DNAI1: variants seen among roughly 807,000 people sequenced by gnomAD.
The protein encoded by DNAI1 is dynein axonemal intermediate chain 1.
In DNAI1, 67 loss-of-function variants were observed where a neutral mutation model predicts 92.0. The observed-to-expected ratio is 0.73, with a 90% confidence interval of 0.60 to 0.89. DNAI1 has a LOEUF of 0.89. DNAI1 is among the 40% of genes least tolerant of loss of function. DNAI1 has a pLI of 0.00. For missense variants in DNAI1, 839 were observed against 866.6 expected (o/e 0.97, Z 0.40); for synonymous variants, 323 against 319.6 (o/e 1.01, Z -0.11).
intron 15 of DNAI1, 56 bp from the exon 16 acceptor site, chr9:34,513,056 A>T: frequency 1.4e-6 from 2 of 1,384,692 alleles, no homozygotes; most frequent in Non-Finnish European, 2.1e-6. Flanking sequence ...TAGGGGAGGC[A>T]CTGGGAGCCT....
chr9:34,463,871 A>T (rs773491900), intron 1 of DNAI1, among the ~76,000 whole-genome samples: 1 of 152,144 alleles, frequency 6.6e-6, no homozygotes, highest in Non-Finnish European at 1.5e-5. Context: ...AGAGTCTTGG[A>T]TGATTCAGAG....
Position 34,491,484 on chromosome 9 carries a change from T to A in DNAI1, c.622-11T>A. On this transcript the variant is annotated splice_polypyrimidine_tract_variant and intron_variant, in intron 7 of 19. Transcript: ENST00000242317. Reference sequence around the variant, plus strand: ...GGCTTTTTGTGGGTCTCCTGTTGTCTTGTTCTTTAGGATCGAGAATGCCAG... The same window carrying A: ...GGCTTTTTGTGGGTCTCCTGTTGTCATGTTCTTTAGGATCGAGAATGCCAG... 2 of 1,614,182 alleles carry A rather than the reference T, an allele frequency of 1.2e-6. No homozygotes were observed. The highest frequency in any genetic ancestry group is 2.2e-5 in the South Asian group (2 of 91,084).
At chr9:34,485,397 G>A (rs777945789) in intron 3 of DNAI1, 40 bp from the exon 4 acceptor site, 5 of 1,608,550 alleles carry the variant, frequency 3.1e-6, no homozygotes, top group Admixed American at 1.7e-5. Flanking sequence ...AGGGTTGGGG[G>A]GTCTTCATGT....
Position 34,459,027 on chromosome 9 carries a change from G to T in DNAI1, c.22G>T (p.Ala8Ser), listed in dbSNP as rs11547035. 0.062 allele frequency: 99,469 copies of T among 1,613,884 alleles called. 3,592 individuals carry two copies. The highest frequency in any genetic ancestry group is 0.067 in the Non-Finnish European group (78,548 of 1,179,794). MIPASAK[A>S]PHKQPHKQSI... ...TGAGATGATTCCTGCTTCTGCGAAG[G>T]CTCCCCATAAACAGCCTCATAAGCA... The change falls in exon 1 of 20, where the codon GCT becomes TCT. Residue 8 changes from alanine to serine, a missense_variant. By Grantham distance (99) the Ala-to-Ser change is moderately conservative. Transcript: ENST00000242317.
chr9:34,504,176 C>A (rs1255813876), intron 12 of DNAI1, among the ~76,000 whole-genome samples: 4 of 152,112 alleles, frequency 2.6e-5, no homozygotes, highest in Non-Finnish European at 1.5e-5. Flanking sequence ...GGGACAGCAC[C>A]CTCAAAAGGG....
intron 15 of DNAI1, 81 bp downstream of exon 15, chr9:34,512,505 C>A: frequency 7.4e-7 from 1 of 1,343,258 alleles, no homozygotes; most frequent in Admixed American, 1.9e-5. Flanking sequence ...GGTCCTTCCC[C>A]TGACTGAGTG....
chr9:34,472,867 A>G (rs1824167092), intron 1 of DNAI1, among the ~76,000 whole-genome samples: 3 of 151,428 alleles, frequency 2.0e-5, no homozygotes. Context: ...GTGTTGCTGC[A>G]CTCTAGCTTG....
intron 9 of DNAI1, among the ~76,000 whole-genome samples, chr9:34,495,356 G>A (rs1274483311): frequency 6.6e-6 from 1 of 152,150 alleles, no homozygotes; most frequent in Non-Finnish European, 1.5e-5. Context: ...CACTGTGTGG[G>A]TCTGAGAGCA....
At chr9:34,481,318 A>G (rs1824349712) in intron 1 of DNAI1, among the ~76,000 whole-genome samples, 2 of 152,234 alleles carry the variant, frequency 1.3e-5, no homozygotes, top group South Asian at 4.1e-4. Context: ...TATGCTTTAA[A>G]AATATTTGTT....
chr9:34,497,175 A>C lies in DNAI1; in HGVS notation c.877A>C (p.Asn293His). 1 of 1,614,050 alleles carries C rather than the reference A, an allele frequency of 6.2e-7. No homozygotes were observed. The highest frequency in any genetic ancestry group is 8.5e-7 in the Non-Finnish European group (1 of 1,179,872). Residue 293 changes from asparagine to histidine, a missense_variant, in exon 10 of 20, where the codon AAT becomes CAT. Coordinates refer to ENST00000242317, the MANE Select transcript of DNAI1 (RefSeq NM_012144.4). ...GATCATGGAGCGGATGGTCAACCAG[A>C]ATACATATGATGACATTGCTCAAGG... ...AKIMERMVNQ[N>H]TYDDIAQDFK...
chr9:34,507,693 C>A (rs1221837195), intron 13 of DNAI1, among the ~76,000 whole-genome samples: 1 of 152,198 alleles, frequency 6.6e-6, no homozygotes, highest in Non-Finnish European at 1.5e-5. Flanking sequence ...CCGCACGGGG[C>A]CTTTCCTCTG....
Position 34,513,465 on chromosome 9 carries a change from AG to A in DNAI1, c.1569+280del, listed in dbSNP as rs543788832. Among the ~76,000 whole-genome samples the A allele has an allele frequency of 1.9e-4, 29 of 152,218 alleles. No homozygotes were observed. The East Asian group carries it at 5.6e-3, about 29-fold the overall frequency. ...CTCCCTTCCTGGGAGTTGAGGTAGA[AG>A]GGGGGATTCGGAGGAGTTAGAATAT... On this transcript the variant is annotated intron_variant, in intron 16 of 19. Transcript: ENST00000242317.
chr9:34,463,233 G>A (rs949592944), intron 1 of DNAI1, among the ~76,000 whole-genome samples: 5 of 152,166 alleles, frequency 3.3e-5, no homozygotes, highest in African/African-American at 4.8e-5. Context: ...CCCTGAGATG[G>A]GAGCCTGCTA....
intron 1 of DNAI1, among the ~76,000 whole-genome samples, chr9:34,467,596 T>C (rs1213532906): frequency 2.6e-5 from 4 of 152,120 alleles, no homozygotes; most frequent in Non-Finnish European, 5.9e-5. Context: ...TTGTTACCAC[T>C]GCACTCCAGC....
At chr9:34,492,407 T>C (rs994296919) in intron 8 of DNAI1, among the ~76,000 whole-genome samples, 2 of 148,814 alleles carry the variant, frequency 1.3e-5, no homozygotes, top group East Asian at 4.0e-4. Context: ...TATCTCCTTT[T>C]AATGCTGAGA....
chr9:34,517,067 C>T (rs994082091), intron 18 of DNAI1, among the ~76,000 whole-genome samples: 2 of 152,110 alleles, frequency 1.3e-5, no homozygotes, highest in Non-Finnish European at 2.9e-5. Flanking sequence ...TATTAATTCT[C>T]CATAGATTTA....
intron 4 of DNAI1, 28 bp from the exon 5 acceptor site, chr9:34,489,295 T>TG (rs759290642): frequency 1.2e-6 from 2 of 1,613,200 alleles, no homozygotes; most frequent in East Asian, 4.5e-5. Flanking sequence ...TAGGGATCCC[T>TG]GGTCTGACTC....
chr9:34,499,096 G>A (rs564812322), intron 10 of DNAI1, among the ~76,000 whole-genome samples: 1 of 152,272 alleles, frequency 6.6e-6, no homozygotes, highest in African/African-American at 2.4e-5. Context: ...CTTTCCCTTT[G>A]GGAAAGTGTA....
intron 1 of DNAI1, among the ~76,000 whole-genome samples, chr9:34,463,149 C>T (rs761113445): frequency 7.2e-5 from 11 of 151,904 alleles, no homozygotes; most frequent in Admixed American, 1.3e-4. Flanking sequence ...ATGCAATACC[C>T]GGGGGTAGGG....
Sources: gnomAD v4.1 joint callset for allele counts (sites outside exome capture counted in the v4.1 genomes callset) on GRCh38, gnomAD v4.1.1 for gene constraint, MANE v1.5 for transcripts, NCBI Gene and HGNC (gene_info 2026-07-23, HGNC 2026-07-21) for gene names.